Variants in PCDH9 observed in about 807,000 individuals in gnomAD.
The protein encoded by PCDH9 is protocadherin 9.
PCDH9 carries 24 observed loss-of-function variants against 70.6 expected under a neutral mutation model. The ratio of observed to expected loss-of-function variants is 0.34; its 90% CI spans 0.25 to 0.48. The LOEUF (loss-of-function observed/expected upper bound fraction) is 0.48, where lower values mean the gene tolerates loss of function less well. PCDH9 is among the 20% of genes least tolerant of loss of function. The pLI is 0.99. For synonymous variants in PCDH9, 562 were observed against 558.5 expected (o/e 1.01, Z -0.09); for missense variants, 1,281 against 1,503.6 (o/e 0.85, Z 2.45).
chr13:66,429,592 A>G (rs559832964), intron 4 of PCDH9, among the ~76,000 whole-genome samples: 7 of 152,010 alleles, frequency 4.6e-5, no homozygotes, highest in Admixed American at 1.3e-4. Flanking sequence ...GCTCCCTCAG[A>G]GGGATCAGAA....
At chr13:67,179,090 A>C (rs1456838651) in intron 2 of PCDH9, among the ~76,000 whole-genome samples, 1 of 152,082 alleles carries the variant, frequency 6.6e-6, no homozygotes, top group Non-Finnish European at 1.5e-5. Context: ...CTCAATAAAC[A>C]TTTGAAGAGT....
chr13:66,350,809 C>T (rs550098242), intron 4 of PCDH9, among the ~76,000 whole-genome samples: 1 of 152,298 alleles, frequency 6.6e-6, no homozygotes, highest in South Asian at 2.1e-4. Flanking sequence ...TTTTCTACAT[C>T]TATGTCTCAA....
chr13:66,519,260 C>T (rs1292536330), intron 4 of PCDH9, among the ~76,000 whole-genome samples: 1 of 151,910 alleles, frequency 6.6e-6, no homozygotes, highest in South Asian at 2.1e-4. Context: ...TTAAAAAAAA[C>T]CAGATACCTG....
intron 4 of PCDH9, among the ~76,000 whole-genome samples, chr13:66,577,950 A>T (rs979312577): frequency 1.3e-5 from 2 of 152,066 alleles, no homozygotes; most frequent in Admixed American, 6.6e-5. Flanking sequence ...AAGGTGGAAA[A>T]ACTAATTTCT....
intron 3 of PCDH9, among the ~76,000 whole-genome samples, chr13:66,848,796 C>T (rs968672516): frequency 2.0e-5 from 3 of 151,938 alleles, no homozygotes; most frequent in Non-Finnish European, 4.4e-5. Context: ...GGCAGGGTGG[C>T]GGGCAACTGT....
chr13:66,888,737 A>G (rs1359490091), intron 3 of PCDH9, among the ~76,000 whole-genome samples: 2 of 152,106 alleles, frequency 1.3e-5, no homozygotes, highest in Non-Finnish European at 1.5e-5. Context: ...ATCTGAAAGT[A>G]TCATGCAATT....
At chr13:66,861,948 G>A (rs1008970711) in intron 3 of PCDH9, among the ~76,000 whole-genome samples, 11 of 151,954 alleles carry the variant, frequency 7.2e-5, no homozygotes, top group South Asian at 2.1e-4. Context: ...CTTTTCTCTT[G>A]CAATCCCAAT....
At position 66,819,589 on chromosome 13, in the gene PCDH9, AC is replaced by A. The variant is rs2080673570; in HGVS notation, c.3138+83914del. On this transcript the variant is annotated intron_variant, in intron 3 of 4. Coordinates refer to ENST00000377865, the MANE Select transcript of PCDH9 (RefSeq NM_203487.3). Reference sequence around the variant, plus strand: ...TTAATTAGGGAGAGTATCTGTTGTAACTTTTGAAATATGCTTTTGACCAGGC... The same window carrying A: ...TTAATTAGGGAGAGTATCTGTTGTAATTTTGAAATATGCTTTTGACCAGGC... Among the ~76,000 whole-genome samples the A allele has an allele frequency of 2.0e-5, 3 of 152,096 alleles. 1 individual carries two copies. The South Asian group carries it at 6.2e-4, about 32-fold the overall frequency.
intron 4 of PCDH9, among the ~76,000 whole-genome samples, chr13:66,621,066 G>C (rs2077415764): frequency 6.6e-6 from 1 of 152,190 alleles, no homozygotes. Flanking sequence ...TTTAATGTAA[G>C]TTTCTAAAAG....
chr13:66,445,520 T>C (rs1475746191), intron 4 of PCDH9, among the ~76,000 whole-genome samples: 1 of 143,720 alleles, frequency 7.0e-6, no homozygotes, highest in African/African-American at 2.6e-5. Context: ...CACACATATA[T>C]AATATATACA....
chr13:66,655,615 A>G (rs1241452330), intron 3 of PCDH9, among the ~76,000 whole-genome samples: 1 of 152,106 alleles, frequency 6.6e-6, no homozygotes, highest in Non-Finnish European at 1.5e-5. Context: ...TATATTTATA[A>G]AAAGTGTTAA....
chr13:66,794,187 G>A (rs2080204031), intron 3 of PCDH9, among the ~76,000 whole-genome samples: 1 of 151,978 alleles, frequency 6.6e-6, no homozygotes, highest in Non-Finnish European at 1.5e-5. Context: ...AACGTAGACT[G>A]TAATGTTAAT....
chr13:66,909,521 G>A (rs184874340), intron 2 of PCDH9, among the ~76,000 whole-genome samples: 187 of 152,206 alleles, frequency 1.2e-3, no homozygotes, highest in African/African-American at 4.3e-3. Context: ...TGTAATCCCA[G>A]CACTTTGGGA....
At chr13:66,525,257 G>T (rs1932884) in intron 4 of PCDH9, among the ~76,000 whole-genome samples, 149,539 of 152,146 alleles carry the variant, frequency 0.98, 73,540 homozygotes, top group East Asian at 1. Context: ...TGGAAGCAGT[G>T]GTCATCAGTG....
chr13:66,893,965 T>A (rs2082135675), intron 3 of PCDH9, among the ~76,000 whole-genome samples: 1 of 152,128 alleles, frequency 6.6e-6, no homozygotes, highest in South Asian at 2.1e-4. Context: ...TCTTTAGTCC[T>A]TCCGTTCAAT....
At chr13:66,382,305 A>AGGCC (rs1956862617) in intron 4 of PCDH9, among the ~76,000 whole-genome samples, 1 of 152,200 alleles carries the variant, frequency 6.6e-6, no homozygotes, top group Non-Finnish European at 1.5e-5. Flanking sequence ...TAGCAAGAAT[A>AGGCC]GGCCACCTAG....
chr13:67,224,744 T>C, intron 2 of PCDH9: 3 of 782,672 alleles, frequency 3.8e-6, no homozygotes, highest in Non-Finnish European at 4.7e-6. Context: ...TTTTTTTTTT[T>C]TTTGAAAGAG....
chr13:66,555,220 T>G (rs998106970), intron 4 of PCDH9, among the ~76,000 whole-genome samples: 26 of 152,132 alleles, frequency 1.7e-4, no homozygotes, highest in Admixed American at 1.6e-3. Flanking sequence ...AGTTCTGTGC[T>G]AAGCTATATA....
At chr13:66,693,350 T>C (rs1256749756) in intron 3 of PCDH9, among the ~76,000 whole-genome samples, 2 of 152,052 alleles carry the variant, frequency 1.3e-5, no homozygotes, top group Non-Finnish European at 2.9e-5. Flanking sequence ...CATTTTATAT[T>C]ATACTAAGAA....
Sources: gnomAD v4.1 joint callset for allele counts (sites outside exome capture counted in the v4.1 genomes callset) on GRCh38, gnomAD v4.1.1 for gene constraint, MANE v1.5 for transcripts, NCBI Gene and HGNC (gene_info 2026-07-23, HGNC 2026-07-21) for gene names.